Variants in EPHA6 observed in about 807,000 individuals in gnomAD.
EPHA6 encodes the protein ephrin type-A receptor 6.
In EPHA6, 50 loss-of-function variants were observed where a neutral mutation model predicts 112.0. The observed-to-expected ratio is 0.45, with a 90% CI of 0.36 to 0.56. EPHA6 has a LOEUF of 0.56. Among genes scored for constraint, EPHA6 ranks in the 20% least tolerant of loss-of-function variants. The pLI is 0.00. For missense variants in EPHA6, 1,280 were observed against 1,417.4 expected, an observed-to-expected ratio of 0.90 and a Z score of 1.56; for synonymous variants, 529 against 490.7, an observed-to-expected ratio of 1.08 and a Z score of -1.03.
chr3:97,592,442 A>T (rs902960272), intron 11 of EPHA6, among the ~76,000 whole-genome samples, 170 bp from the exon 12 acceptor site: 1 of 148,682 alleles, frequency 6.7e-6, no homozygotes, highest in South Asian at 2.1e-4. Flanking sequence ...TCAAGAAACT[A>T]AGTTGATTTT....
intron 3 of EPHA6, among the ~76,000 whole-genome samples, chr3:97,023,015 T>C (rs553413589): frequency 1.3e-5 from 2 of 152,262 alleles, no homozygotes; most frequent in Non-Finnish European, 2.9e-5. Context: ...CACCTCCATC[T>C]CTCTGTTGGT....
At chr3:97,012,026 A>G (rs891667544) in intron 3 of EPHA6, among the ~76,000 whole-genome samples, 13 of 152,168 alleles carry the variant, frequency 8.5e-5, no homozygotes, top group Non-Finnish European at 1.6e-4. Flanking sequence ...TCCATGGTAC[A>G]TATATACCAT....
At chr3:97,663,533 A>G (rs1026121902) in intron 14 of EPHA6, among the ~76,000 whole-genome samples, 2 of 123,268 alleles carry the variant, frequency 1.6e-5, no homozygotes, top group African/African-American at 3.2e-5. Flanking sequence ...CCCTTCCTCT[A>G]TCCAAGTGTT....
At chr3:96,820,615 G>C (rs1304099276) in intron 1 of EPHA6, among the ~76,000 whole-genome samples, 5 of 152,014 alleles carry the variant, frequency 3.3e-5, no homozygotes, top group Non-Finnish European at 5.9e-5. Flanking sequence ...GGAAGATGGA[G>C]TAGAACAAAA....
chr3:97,512,854 C>T (rs1335572648), intron 10 of EPHA6, among the ~76,000 whole-genome samples: 2 of 152,120 alleles, frequency 1.3e-5, no homozygotes, highest in Non-Finnish European at 2.9e-5. Flanking sequence ...TGTGAGCTGC[C>T]GCGTCTGGCC....
At chr3:97,319,575 C>A (rs1156706276) in intron 5 of EPHA6, among the ~76,000 whole-genome samples, 4 of 149,740 alleles carry the variant, frequency 2.7e-5, no homozygotes, top group Non-Finnish European at 5.9e-5. Flanking sequence ...AAGGCTGAGG[C>A]AGGAGAGTCG....
intron 6 of EPHA6, among the ~76,000 whole-genome samples, chr3:97,446,495 T>A (rs758627206): frequency 1.2e-4 from 18 of 152,158 alleles, no homozygotes; most frequent in Non-Finnish European, 1.9e-4. Context: ...GGATAAGATA[T>A]GTAATTATCC....
chr3:96,876,585 C>A (rs79723942), intron 2 of EPHA6, among the ~76,000 whole-genome samples: 12 of 151,958 alleles, frequency 7.9e-5, no homozygotes, highest in Non-Finnish European at 1.5e-4. Context: ...CCTTTCCTAC[C>A]GTTTAACCTG....
chr3:96,847,339 T>C (rs1420864040), intron 1 of EPHA6, among the ~76,000 whole-genome samples: 1 of 152,072 alleles, frequency 6.6e-6, no homozygotes, highest in Non-Finnish European at 1.5e-5. Context: ...AAGGAAGATA[T>C]AATTGTTAAA....
At chr3:97,496,388 T>C (rs149031587) in intron 10 of EPHA6, among the ~76,000 whole-genome samples, 225 of 152,280 alleles carry the variant, frequency 1.5e-3, no homozygotes, top group African/African-American at 5.1e-3. Context: ...ATCACAAACC[T>C]ATAAATCACA....
intron 5 of EPHA6, among the ~76,000 whole-genome samples, chr3:97,352,400 T>C (rs1364624155): frequency 3.3e-5 from 5 of 152,034 alleles, no homozygotes; most frequent in Non-Finnish European, 7.4e-5. Context: ...GTGAAGAGGG[T>C]AGGAAAGACA....
At chr3:96,846,323 A>G (rs1254975436) in intron 1 of EPHA6, among the ~76,000 whole-genome samples, 1 of 152,066 alleles carries the variant, frequency 6.6e-6, no homozygotes, top group Non-Finnish European at 1.5e-5. Flanking sequence ...TTATAAATAA[A>G]TAGATAAATA....
At chr3:96,935,552 AAATAT>A (rs1441592060) in intron 2 of EPHA6, among the ~76,000 whole-genome samples, 2 of 149,902 alleles carry the variant, frequency 1.3e-5, no homozygotes, top group South Asian at 2.1e-4. Context: ...ACATTTTTGA[AAATAT>A]AATATATAAA....
chr3:97,104,696 G>A (rs1239851879), intron 3 of EPHA6, among the ~76,000 whole-genome samples: 1 of 152,042 alleles, frequency 6.6e-6, no homozygotes, highest in Non-Finnish European at 1.5e-5. Context: ...TCAATTTTTG[G>A]TAACAATTTC....
intron 1 of EPHA6, among the ~76,000 whole-genome samples, chr3:96,829,286 C>G (rs1014444368): frequency 2.0e-5 from 3 of 152,114 alleles, no homozygotes; most frequent in African/African-American, 7.2e-5. Context: ...CCACATAGTC[C>G]AGAAGGTAAG....
intron 2 of EPHA6, among the ~76,000 whole-genome samples, chr3:96,872,933 T>C (rs1482242280): frequency 6.6e-6 from 1 of 152,038 alleles, no homozygotes; most frequent in Non-Finnish European, 1.5e-5. Context: ...CATTATTGCT[T>C]TAAATATTGC....
chr3:97,073,123 C>G (rs1052108254), intron 3 of EPHA6, among the ~76,000 whole-genome samples: 1 of 152,220 alleles, frequency 6.6e-6, no homozygotes, highest in South Asian at 2.1e-4. Flanking sequence ...CTGTGGCACT[C>G]TACACCACAT....
rs536681946 is a variant in EPHA6, at chr3:97,546,627, G to T, written c.2386+14084G>T. Among the ~76,000 whole-genome samples, 5 of 152,210 alleles carry T rather than the reference G, an allele frequency of 3.3e-5. No individual in the cohort carries two copies. In the South Asian group the frequency reaches 6.2e-4, roughly 19 times the overall value. On this transcript the variant is annotated intron_variant, in intron 11 of 17. Coordinates refer to ENST00000389672, the MANE Select transcript of EPHA6 (RefSeq NM_001080448.3). Reference sequence around the variant, plus strand: ...ATGTTGGCCTGCCTTGCTATATTTGGGAAGTTCTCCTGGATAATATCCTGC... The same window carrying T: ...ATGTTGGCCTGCCTTGCTATATTTGTGAAGTTCTCCTGGATAATATCCTGC...
Position 97,444,619 on chromosome 3 carries a change from G to T in EPHA6, c.1732-3949G>T, listed in dbSNP as rs182475013. ...TAATTTGCCAGGGTACATAATAGAA[G>T]CAGAATCAAGATAATATCCAAGACA... On this transcript the variant is annotated intron_variant, in intron 6 of 17. Transcript: ENST00000389672. Among the ~76,000 whole-genome samples the T allele has an allele frequency of 4.0e-3, 615 of 152,146 alleles. 4 individuals are homozygous for T. Among genetic ancestry groups the T allele is most frequent in the African/African-American group, 0.013 (555 of 41,524 alleles).
Sources: gnomAD v4.1 joint callset for allele counts (sites outside exome capture counted in the v4.1 genomes callset) on GRCh38, gnomAD v4.1.1 for gene constraint, MANE v1.5 for transcripts, NCBI Gene and HGNC (gene_info 2026-07-23, HGNC 2026-07-21) for gene names.